The following TANC1 variants were observed in gnomAD, a reference collection of about 807,000 sequenced individuals.
The protein encoded by TANC1 is tetratricopeptide repeat, ankyrin repeat and coiled-coil containing 1, also known as protein TANC1.
TANC1 carries 77 observed loss-of-function variants against 149.7 expected under a neutral mutation model. The observed-to-expected ratio is 0.51, with a 90% CI of 0.43 to 0.62. TANC1 has a LOEUF of 0.62. Among genes scored for constraint, TANC1 ranks in the 20% least tolerant of loss-of-function variants. TANC1 has a pLI of 0.00. For synonymous variants in TANC1, 854 were observed against 925.0 expected (o/e 0.92, Z 1.39); for missense variants, 1,985 against 2,321.8 (o/e 0.85, Z 2.98).
Position 159,149,239 on chromosome 2 carries a change from A to G in TANC1, c.462A>G (p.Thr154=), listed in dbSNP as rs1213149344. The G allele has an allele frequency of 6.2e-7, 1 of 1,614,238 alleles. No homozygotes were observed. The highest frequency in any genetic ancestry group is 1.7e-5 in the Admixed American group (1 of 60,032). The change falls in exon 6 of 27, where the codon ACA becomes ACG. Residue 154 remains threonine (T), a synonymous_variant. Transcript: ENST00000263635. ...TGGGAGAAGGGATCCCAAGTGCCAC[A>G]CACATAACCATTGAAGACAAAAATG... ...FLLGEGIPSA[T]HITIEDKNET...
chr2:158,981,496 TATATA>T lies in TANC1; in HGVS notation c.-126+12715_-126+12719del, dbSNP rs1559096092. Among the ~76,000 whole-genome samples, 23 of 11,032 alleles carry T rather than the reference TATATA, an allele frequency of 2.1e-3. 1 individual carries two copies. The East Asian group carries it at 0.04, about 19-fold the overall frequency. The allele number at this position is 11,032 out of a possible 152,430, so 7.2% of individuals were successfully genotyped here. The stretch of plus-strand genomic sequence containing the variant: ...TAGCAATTAATATATAGCTTTTATA[TATATA>T]TATATATATATATATATATATATAT... On this transcript the variant is annotated intron_variant, in intron 1 of 26. Transcript: ENST00000263635.
In TANC1 at chr2:159,196,642, T is replaced by C; in HGVS notation, c.3014T>C (p.Leu1005Pro). ...TTGGATAAGAAGGGCCAGTGTGCGC[T>C]TGTCCACAGTGCCCTACGGGGCCAC... The part of the protein sequence containing the change: ...DHLDKKGQCA[L>P]VHSALRGHGD... The change falls in exon 18 of 27, where the codon CTT becomes CCT. Residue 1005 changes from leucine to proline, a missense_variant. Coordinates refer to ENST00000263635, the MANE Select transcript of TANC1 (RefSeq NM_033394.3). The C allele has an allele frequency of 6.2e-7, 1 of 1,612,076 alleles. No homozygotes were observed. The highest frequency in any genetic ancestry group is 8.5e-7 in the Non-Finnish European group (1 of 1,178,594).
At chr2:159,214,223 G>C (rs1195193424) in intron 19 of TANC1, among the ~76,000 whole-genome samples, 2 of 151,898 alleles carry the variant, frequency 1.3e-5, no homozygotes, top group Non-Finnish European at 2.9e-5. Flanking sequence ...TAAATAAGCT[G>C]CATTTAAAAA....
chr2:159,056,892 CAT>C (rs1335703723), intron 2 of TANC1: 1 of 269,474 alleles, frequency 3.7e-6, no homozygotes, highest in Non-Finnish European at 7.9e-6. Context: ...CATTTCTCCT[CAT>C]AGGACATATC....
Position 159,194,440 on chromosome 2 carries a change from G to A in TANC1, c.2926G>A (p.Ala976Thr). Reference sequence around the variant, plus strand: ...CGGCATGACTGCCCTCTGTTACGCAGCAGCTGCTGGCCACATGAAGCTGGT... The same window carrying A: ...CGGCATGACTGCCCTCTGTTACGCAACAGCTGCTGGCCACATGAAGCTGGT... ...ENGMTALCYA[A>T]AAGHMKLVCL... Residue 976 changes from alanine (A) to threonine (T), a missense_variant, in exon 17 of 27, where the codon GCA (alanine) becomes ACA (threonine). Physicochemically the swap from Ala to Thr is moderately conservative, Grantham distance 58 (BLOSUM62 0). Transcript: ENST00000263635. The A allele has an allele frequency of 1.9e-6, 3 of 1,614,276 alleles. No individual in the cohort carries two copies. Among genetic ancestry groups the A allele is most frequent in the Non-Finnish European group, 2.5e-6 (3 of 1,180,052 alleles).
At chr2:159,085,610 G>A (rs866736922) in intron 3 of TANC1, among the ~76,000 whole-genome samples, 2 of 152,140 alleles carry the variant, frequency 1.3e-5, no homozygotes, top group African/African-American at 4.8e-5. Flanking sequence ...ATCTGCTTTG[G>A]TGAGGCCTCA....
intron 6 of TANC1, 127 bp downstream of exon 6, chr2:159,149,399 T>C (rs1241332295): frequency 7.2e-7 from 1 of 1,379,370 alleles, no homozygotes; most frequent in Non-Finnish European, 1.0e-6. Context: ...CTGTTGTGTA[T>C]TGAAATTTAT....
chr2:159,156,474 G>A (rs987225850), intron 7 of TANC1, among the ~76,000 whole-genome samples: 1 of 152,180 alleles, frequency 6.6e-6, no homozygotes, highest in Admixed American at 6.5e-5. Context: ...CGCCTACTGT[G>A]TACCAGGAGC....
At chr2:159,015,872 T>C (rs1338923487) in intron 2 of TANC1, among the ~76,000 whole-genome samples, 1 of 152,190 alleles carries the variant, frequency 6.6e-6, no homozygotes, top group South Asian at 2.1e-4. Context: ...GTCCATATCA[T>C]TATCAGTGTA....
At chr2:158,984,727 G>A (rs949661122) in intron 1 of TANC1, among the ~76,000 whole-genome samples, 5 of 152,010 alleles carry the variant, frequency 3.3e-5, no homozygotes, top group African/African-American at 1.2e-4. Flanking sequence ...CTTCAGGGAG[G>A]AGGGGGAGGA....
chr2:159,143,407 A>G (rs2051657033), intron 5 of TANC1, among the ~76,000 whole-genome samples: 1 of 152,104 alleles, frequency 6.6e-6, no homozygotes. Flanking sequence ...ACAGTACAAA[A>G]AATTCATCGA....
intron 1 of TANC1, among the ~76,000 whole-genome samples, chr2:158,975,134 T>A (rs2033487085): frequency 6.6e-6 from 1 of 152,172 alleles, no homozygotes; most frequent in South Asian, 2.1e-4. Context: ...TATTCTGTAT[T>A]GTTTTAAAAT....
intron 2 of TANC1, among the ~76,000 whole-genome samples, chr2:159,062,833 G>A (rs1366934158): frequency 6.6e-6 from 1 of 151,466 alleles, no homozygotes; most frequent in African/African-American, 2.4e-5. Flanking sequence ...CGGGCGCGGT[G>A]GTGGGTGCCT....
intron 5 of TANC1, among the ~76,000 whole-genome samples, chr2:159,145,562 A>G (rs767530572): frequency 2.0e-5 from 3 of 152,184 alleles, no homozygotes; most frequent in Non-Finnish European, 2.9e-5. Context: ...GAAGATGAGA[A>G]GATGGTTGTA....
At chr2:159,199,612 T>C (rs2058102102) in intron 19 of TANC1, among the ~76,000 whole-genome samples, 1 of 152,232 alleles carries the variant, frequency 6.6e-6, no homozygotes, top group African/African-American at 2.4e-5. Context: ...TGGTGAAGAT[T>C]TGAGCTGGTT....
chr2:158,992,669 A>ATTTTTTTTTT (rs70994251), intron 1 of TANC1, among the ~76,000 whole-genome samples: 511 of 112,422 alleles, frequency 4.5e-3, no homozygotes, highest in Non-Finnish European at 6.2e-3. Context: ...TGCCCAGCTA[A>ATTTTTTTTTT]TTTTTTTTTT....
intron 4 of TANC1, among the ~76,000 whole-genome samples, chr2:159,134,974 C>G (rs996365329): frequency 7.2e-5 from 11 of 152,174 alleles, no homozygotes; most frequent in African/African-American, 2.6e-4. Context: ...TACAGTTCAC[C>G]CATTTAAAGC....
intron 7 of TANC1, among the ~76,000 whole-genome samples, chr2:159,160,387 T>C (rs2053924795): frequency 6.6e-6 from 1 of 152,206 alleles, no homozygotes; most frequent in Non-Finnish European, 1.5e-5. Flanking sequence ...GATGTGTACG[T>C]GTACCCACAA....
At chr2:159,063,840 C>T (rs2042441854) in intron 2 of TANC1, among the ~76,000 whole-genome samples, 1 of 152,064 alleles carries the variant, frequency 6.6e-6, no homozygotes, top group Non-Finnish European at 1.5e-5. Flanking sequence ...GTCCTTGCCC[C>T]GTGTGATGCC....
Sources: gnomAD v4.1 joint callset for allele counts (sites outside exome capture counted in the v4.1 genomes callset) on GRCh38, gnomAD v4.1.1 for gene constraint, MANE v1.5 for transcripts, NCBI Gene and HGNC (gene_info 2026-07-23, HGNC 2026-07-21) for gene names.